CDH8: variants seen among roughly 807,000 people sequenced by gnomAD.
The protein encoded by CDH8 is cadherin-8.
A neutral mutation model predicts 68.1 loss-of-function variants in CDH8; 17 were observed. That is an observed-to-expected ratio of 0.25 (90% CI 0.17 to 0.37). The LOEUF (loss-of-function observed/expected upper bound fraction) is 0.37, where lower values mean the gene tolerates loss of function less well. Ranked by LOEUF, CDH8 falls within the 10% of genes least tolerant of loss-of-function variation. The pLI is 1.00. For missense variants in CDH8, 763 were observed against 999.3 expected, an observed-to-expected ratio of 0.76 and a Z score of 3.19; for synonymous variants, 372 against 365.1, an observed-to-expected ratio of 1.02 and a Z score of -0.21.
In CDH8 at chr16:61,652,946, A is replaced by G; in HGVS notation, c.*662T>C. On this transcript the variant is annotated 3_prime_UTR_variant, in exon 12 of 12. Transcript: ENST00000577390. Reference sequence around the variant, plus strand: ...TGGGATTTCTCTCCTCCCACCACTGAATTGGCAAGCCCCACCCTGGAATGG... The same window carrying G: ...TGGGATTTCTCTCCTCCCACCACTGGATTGGCAAGCCCCACCCTGGAATGG... 1 of 1,526,096 alleles carries G rather than the reference A, an allele frequency of 6.6e-7. No individual in the cohort carries two copies. The highest frequency in any genetic ancestry group is 8.8e-7 in the Non-Finnish European group (1 of 1,142,644). 94.5% of individuals were successfully genotyped at this position (1,526,096 alleles called of 1,614,324 possible). A position where few individuals can be genotyped will look rare whatever the true frequency, so the allele number is the denominator to read the frequency against.
chr16:61,704,821 T>C (rs1389093165), intron 10 of CDH8, among the ~76,000 whole-genome samples: 3 of 152,176 alleles, frequency 2.0e-5, no homozygotes, highest in African/African-American at 7.2e-5. Context: ...CTCCCTAGCA[T>C]GAACCCACTC....
intron 10 of CDH8, among the ~76,000 whole-genome samples, chr16:61,680,999 A>T (rs1293577928): frequency 6.6e-6 from 1 of 151,880 alleles, no homozygotes; most frequent in African/African-American, 2.4e-5. Context: ...ATAGTTTTTT[A>T]TATATATTTA....
At chr16:61,689,899 T>C (rs1351478720) in intron 10 of CDH8, among the ~76,000 whole-genome samples, 1 of 152,042 alleles carries the variant, frequency 6.6e-6, no homozygotes, top group African/African-American at 2.4e-5. Context: ...ACATCACTAA[T>C]ATATGTTATA....
intron 8 of CDH8, among the ~76,000 whole-genome samples, chr16:61,781,809 A>G (rs1324611187): frequency 6.6e-6 from 1 of 152,228 alleles, no homozygotes; most frequent in Non-Finnish European, 1.5e-5. Context: ...AATTATGTTT[A>G]CATCTTTCTA....
intron 9 of CDH8, chr16:61,725,341 G>A (rs1439452570): frequency 6.6e-6 from 1 of 150,840 alleles, no homozygotes; most frequent in Non-Finnish European, 1.5e-5. Context: ...AATTCCCAGA[G>A]ATCCAAGAAA....
chr16:61,809,973 A>G (rs1315480963), intron 7 of CDH8, among the ~76,000 whole-genome samples: 1 of 152,202 alleles, frequency 6.6e-6, no homozygotes, highest in Non-Finnish European at 1.5e-5. Flanking sequence ...TTGGAGAAAG[A>G]CTGTGTATCT....
chr16:61,892,575 G>A (rs1001929851), intron 3 of CDH8, among the ~76,000 whole-genome samples: 5 of 152,022 alleles, frequency 3.3e-5, no homozygotes, highest in Admixed American at 6.6e-5. Context: ...TGTTGCCACC[G>A]ATCTATTCTG....
chr16:61,954,461 G>A (rs922686887), intron 2 of CDH8, among the ~76,000 whole-genome samples: 4 of 152,014 alleles, frequency 2.6e-5, no homozygotes, highest in Non-Finnish European at 5.9e-5. Context: ...ATGCACTTTG[G>A]GAGGCCGAGG....
intron 10 of CDH8, among the ~76,000 whole-genome samples, chr16:61,683,573 A>G (rs1244471619): frequency 6.6e-6 from 1 of 151,996 alleles, no homozygotes; most frequent in Non-Finnish European, 1.5e-5. Context: ...CTTTACAACA[A>G]ATACTATTTG....
intron 2 of CDH8, among the ~76,000 whole-genome samples, chr16:61,991,571 A>C (rs1965721896): frequency 1.3e-5 from 2 of 152,208 alleles, no homozygotes; most frequent in Admixed American, 1.3e-4. Context: ...ATCGTCATCT[A>C]CTTTACAGGT....
intron 10 of CDH8, among the ~76,000 whole-genome samples, chr16:61,682,345 G>A (rs1279067675): frequency 2.6e-5 from 4 of 151,872 alleles, no homozygotes; most frequent in South Asian, 4.1e-4. Context: ...AAGAAGATGT[G>A]AAACTGGTTT....
intron 7 of CDH8, among the ~76,000 whole-genome samples, chr16:61,813,149 T>G (rs1485653395): frequency 6.6e-6 from 1 of 152,286 alleles, no homozygotes; most frequent in South Asian, 2.1e-4. Context: ...TTGGTTTATT[T>G]TTCTTCTTTC....
intron 2 of CDH8, among the ~76,000 whole-genome samples, chr16:62,002,918 C>T (rs577651677): frequency 1.1e-4 from 16 of 152,148 alleles, no homozygotes; most frequent in Non-Finnish European, 1.9e-4. Flanking sequence ...CTGGGCGTGG[C>T]GGCAGGCACC....
chr16:61,860,217 C>T (rs1963125227), intron 3 of CDH8, among the ~76,000 whole-genome samples: 1 of 152,092 alleles, frequency 6.6e-6, no homozygotes, highest in Non-Finnish European at 1.5e-5. Flanking sequence ...CACAGTGTTC[C>T]TCTTCTTCAG....
chr16:61,959,577 T>C (rs1483178595), intron 2 of CDH8, among the ~76,000 whole-genome samples: 1 of 151,422 alleles, frequency 6.6e-6, no homozygotes, highest in Non-Finnish European at 1.5e-5. Context: ...TATGTATGTA[T>C]ATAGAGAGAT....
intron 2 of CDH8, among the ~76,000 whole-genome samples, chr16:61,902,397 C>T (rs1278340103): frequency 3.3e-5 from 5 of 152,134 alleles, no homozygotes; most frequent in East Asian, 3.9e-4. Context: ...ATATTATACA[C>T]GGTGTCTCTC....
At chr16:61,730,551 A>G (rs892161425) in intron 8 of CDH8, among the ~76,000 whole-genome samples, 19 of 151,718 alleles carry the variant, frequency 1.3e-4, no homozygotes, top group Admixed American at 1.2e-3. Flanking sequence ...ACTAGGAACT[A>G]AATTTGGAAC....
intron 2 of CDH8, among the ~76,000 whole-genome samples, chr16:62,016,138 G>A (rs548222581): frequency 1.3e-5 from 2 of 152,258 alleles, no homozygotes; most frequent in Admixed American, 6.5e-5. Context: ...CCTTTGGGAA[G>A]ATTCCATCCT....
At position 61,897,355 on chromosome 16, in the gene CDH8, T is replaced by G. The variant is rs142501492; in HGVS notation, c.547+3824A>C. ...GCAACCTCCACCTCCCAGGTTCAAG[T>G]GAACCCCCTGCCTCAGCCTCCCGAG... On this transcript the variant is annotated intron_variant, in intron 3 of 11. Transcript: ENST00000577390. 1.4e-3 allele frequency among the ~76,000 whole-genome samples: 210 copies of G among 152,018 alleles called. 4 individuals carry two copies. In the East Asian group the frequency reaches 0.034, roughly 25 times the overall value.
Sources: allele counts gnomAD v4.1 joint callset (sites outside exome capture counted in the v4.1 genomes callset), GRCh38; gene constraint gnomAD v4.1.1; transcripts MANE v1.5; gene names NCBI Gene and HGNC (gene_info 2026-07-23, HGNC 2026-07-21).